SLC30A7: variants seen among roughly 807,000 people sequenced by gnomAD.
SLC30A7 encodes the protein zinc transporter 7.
A neutral mutation model predicts 46.0 loss-of-function variants in SLC30A7; 35 were observed. The ratio of observed to expected loss-of-function variants is 0.76; its 90% CI spans 0.58 to 1.01. SLC30A7 has a LOEUF of 1.01. SLC30A7 is among the 50% of genes least tolerant of loss of function. SLC30A7 has a pLI of 0.00. For synonymous variants in SLC30A7, 147 were observed against 157.8 expected (o/e 0.93, Z 0.51); for missense variants, 464 against 451.1 (o/e 1.03, Z -0.26).
intron 8 of SLC30A7, among the ~76,000 whole-genome samples, chr1:100,943,064 A>C (rs1654444186): frequency 6.6e-6 from 1 of 152,190 alleles, no homozygotes; most frequent in Non-Finnish European, 1.5e-5. Context: ...TTATTTTCAC[A>C]CAATCAGTTC....
chr1:100,954,980 A>T (rs1223813763), intron 8 of SLC30A7, among the ~76,000 whole-genome samples: 1 of 152,036 alleles, frequency 6.6e-6, no homozygotes, highest in Non-Finnish European at 1.5e-5. Context: ...GTAGATTGTA[A>T]GAACCCCTAC....
chr1:100,939,411 A>G (rs1486212468), intron 8 of SLC30A7, among the ~76,000 whole-genome samples: 2 of 152,218 alleles, frequency 1.3e-5, no homozygotes. Flanking sequence ...TAAAGAGAAG[A>G]CACCTCTTCA....
intron 2 of SLC30A7, 80 bp from the exon 3 acceptor site, chr1:100,906,772 G>C (rs1437367519): frequency 1.2e-5 from 11 of 913,924 alleles, no homozygotes; most frequent in Non-Finnish European, 1.8e-5. Context: ...ATGAACAAAG[G>C]CTGAATCTTA....
At chr1:100,929,057 A>G (rs1229081779) in intron 8 of SLC30A7, among the ~76,000 whole-genome samples, 1 of 151,716 alleles carries the variant, frequency 6.6e-6, no homozygotes, top group Admixed American at 6.6e-5. Flanking sequence ...CTACGCATTT[A>G]TCTTTACATG....
In SLC30A7 at chr1:100,951,774, AAGAAGAATGGCTGGGC is replaced by A. The variant is rs542235611; in HGVS notation, c.843-10042_843-10027del. 7.2e-5 allele frequency among the ~76,000 whole-genome samples: 11 copies of A among 152,322 alleles called. No homozygotes were observed. The East Asian group carries it at 1.2e-3, about 16-fold the overall frequency. ...CCCTCCTTACCCACCTGGCTAGGGT[AAGAAGAATGGCTGGGC>A]AGAAGAATGGCCCCAAAGATGGCCA... On this transcript the variant is annotated intron_variant, in intron 8 of 10. Coordinates refer to ENST00000357650, the MANE Select transcript of SLC30A7 (RefSeq NM_133496.5).
intron 7 of SLC30A7, among the ~76,000 whole-genome samples, chr1:100,920,516 A>T (rs1048650287): frequency 6.6e-6 from 1 of 152,028 alleles, no homozygotes; most frequent in Non-Finnish European, 1.5e-5. Context: ...ATAGAGTTAA[A>T]CTGTATATAA....
rs1191673186 is a variant in SLC30A7 at position 100,979,642 on chromosome 1, A to G, written c.*4785A>G. 1 of 152,112 alleles carries G rather than the reference A, an allele frequency of 6.6e-6. No homozygotes were observed. The highest frequency in any genetic ancestry group is 6.6e-5 in the Admixed American group (1 of 15,252). The allele number at this position is 152,112 out of a possible 1,614,324, so 9.4% of individuals were successfully genotyped here. On this transcript the variant is annotated 3_prime_UTR_variant, in exon 11 of 11. Transcript: ENST00000357650. ...TTCATGTTATTACATTTAATCCTCA[A>G]ATTTCTACAAAGGAATAATTTTGCA...
rs1654602036 is a variant in SLC30A7 at position 100,945,813 on chromosome 1, A to G, written c.843-16015A>G. 3.3e-5 allele frequency among the ~76,000 whole-genome samples: 5 copies of G among 152,118 alleles called. No individual in the cohort carries two copies. The South Asian group carries it at 1.0e-3, about 32-fold the overall frequency. On this transcript the variant is annotated intron_variant, in intron 8 of 10. Transcript: ENST00000357650. ...ATGGACTTTCAAGTAGTTTTTTCCA[A>G]TTCTGTGAAGACAGTCCTTGGTAGC... is the stretch of plus-strand genomic sequence containing the variant.
chr1:100,933,318 A>G (rs1433003038), intron 8 of SLC30A7, among the ~76,000 whole-genome samples: 1 of 150,498 alleles, frequency 6.6e-6, no homozygotes, highest in Non-Finnish European at 1.5e-5. Context: ...TATGGAAGAT[A>G]CTCTCTATAC....
intron 4 of SLC30A7, 66 bp from the exon 5 acceptor site, chr1:100,912,046 T>C: frequency 6.3e-6 from 9 of 1,430,330 alleles, no homozygotes; most frequent in Non-Finnish European, 7.7e-6. Flanking sequence ...TGTTGTCTTA[T>C]GATTTTGTTA....
chr1:100,913,061 C>G (rs1007028644), intron 5 of SLC30A7, among the ~76,000 whole-genome samples: 1 of 151,948 alleles, frequency 6.6e-6, no homozygotes, highest in Non-Finnish European at 1.5e-5. Flanking sequence ...TTAGAATAGC[C>G]TGTATAAGAT....
intron 3 of SLC30A7, among the ~76,000 whole-genome samples, chr1:100,907,381 A>C (rs962790500): frequency 6.6e-6 from 1 of 152,034 alleles, no homozygotes; most frequent in Non-Finnish European, 1.5e-5. Context: ...TTTATGTAAC[A>C]GTTCTTATAT....
intron 5 of SLC30A7, 51 bp downstream of exon 5, chr1:100,912,289 A>C: frequency 6.3e-7 from 1 of 1,581,842 alleles, no homozygotes; most frequent in Non-Finnish European, 8.6e-7. Flanking sequence ...GGTTTCTGTC[A>C]TAATTATTTA....
At chr1:100,983,629 CTT>C (rs1392990391), downstream of SLC30A7, among the ~76,000 whole-genome samples, 3 of 152,260 alleles carry the variant, frequency 2.0e-5, no homozygotes, top group Non-Finnish European at 2.9e-5. Flanking sequence ...GAATAGTACT[CTT>C]TTTGTGAAAG....
chr1:100,941,944 A>G (rs1654374785), intron 8 of SLC30A7: 1 of 292,438 alleles, frequency 3.4e-6, no homozygotes, highest in Admixed American at 4.3e-5. Flanking sequence ...TCCAATGAAA[A>G]TGAAGAGCTT....
chr1:100,927,076 A>T (rs1196356145), intron 8 of SLC30A7, among the ~76,000 whole-genome samples: 1 of 152,204 alleles, frequency 6.6e-6, no homozygotes, highest in African/African-American at 2.4e-5. Context: ...ACTGGAGCGC[A>T]ATGAGCAGGG....
chr1:100,930,302 A>C (rs1383188408), intron 8 of SLC30A7, among the ~76,000 whole-genome samples: 1 of 152,078 alleles, frequency 6.6e-6, no homozygotes, highest in African/African-American at 2.4e-5. Flanking sequence ...TGTTAGGTCT[A>C]AAATTTTAAA....
chr1:100,923,004 A>ATTTTT lies in SLC30A7; in HGVS notation c.842+1190_842+1194dup, dbSNP rs71084855. On this transcript the variant is annotated intron_variant, in intron 8 of 10. Coordinates refer to ENST00000357650, the MANE Select transcript of SLC30A7 (RefSeq NM_133496.5). ...TATAGCTTGTAGTTTGTTAGAATAG[A>ATTTTT]TTTTTTTTTTTTTTTTTTTTTTTTT... is the stretch of plus-strand genomic sequence containing the variant. 1.4e-3 allele frequency among the ~76,000 whole-genome samples: 69 copies of ATTTTT among 49,144 alleles called. 9 individuals are homozygous for ATTTTT. Among genetic ancestry groups the ATTTTT allele is most frequent in the Middle Eastern group, 0.015 (1 of 68 alleles). The allele number at this position is 49,144 out of a possible 152,430, so 32.2% of individuals were successfully genotyped here. A position where few individuals can be genotyped will look rare whatever the true frequency, so the allele number is the denominator to read the frequency against.
chr1:100,924,454 T>G (rs1355448649), intron 8 of SLC30A7, among the ~76,000 whole-genome samples: 11 of 152,182 alleles, frequency 7.2e-5, no homozygotes. Context: ...TTACTCATCC[T>G]TCAGATCAGA....
Sources: gnomAD v4.1 joint callset for allele counts (sites outside exome capture counted in the v4.1 genomes callset) on GRCh38, gnomAD v4.1.1 for gene constraint, MANE v1.5 for transcripts, NCBI Gene and HGNC (gene_info 2026-07-23, HGNC 2026-07-21) for gene names.